SLC6A15: variants seen among roughly 807,000 people sequenced by gnomAD.
The protein encoded by SLC6A15 is sodium-dependent neutral amino acid transporter B(0)AT2.
Under a neutral mutation model 68.5 loss-of-function variants are expected in SLC6A15, and 33 were observed. The ratio of observed to expected loss-of-function variants is 0.48; its 90% confidence interval spans 0.37 to 0.64. The LOEUF is 0.64. SLC6A15 is among the 30% of genes least tolerant of loss of function. The pLI is 0.00. For synonymous variants in SLC6A15, 347 were observed against 301.0 expected, an observed-to-expected ratio of 1.15 and a Z score of -1.58; for missense variants, 747 against 874.3, an observed-to-expected ratio of 0.85 and a Z score of 1.84.
rs1218058629 is a variant in SLC6A15 at position 84,905,963 on chromosome 12, A to AT, written c.-189+6559dup. Among the ~76,000 whole-genome samples, 4 of 152,140 alleles carry AT rather than the reference A, an allele frequency of 2.6e-5. No homozygotes were observed. In the East Asian group the frequency reaches 7.7e-4, roughly 29 times the overall value. On this transcript the variant is annotated intron_variant, in intron 1 of 11. Coordinates refer to ENST00000266682, the MANE Select transcript of SLC6A15 (RefSeq NM_182767.6). ...AACCTCTAATCTGTTCTCCATACTT[A>AT]TTTTTTGGTCATTTCAAGAATGTTA...
At chr12:84,885,657 C>T in intron 3 of SLC6A15, 96 bp from the exon 4 acceptor site, 2 of 1,295,968 alleles carry the variant, frequency 1.5e-6, no homozygotes, top group Non-Finnish European at 2.1e-6. Context: ...ATTTTAAAAT[C>T]CTCTTCATTT....
intron 1 of SLC6A15, among the ~76,000 whole-genome samples, chr12:84,905,458 T>C (rs1464018654): frequency 6.6e-6 from 1 of 152,202 alleles, no homozygotes; most frequent in African/African-American, 2.4e-5. Flanking sequence ...TATTTACTGG[T>C]GAAAGACTAA....
chr12:84,894,034 A>G (rs1352071814), intron 1 of SLC6A15, among the ~76,000 whole-genome samples: 1 of 152,154 alleles, frequency 6.6e-6, no homozygotes, highest in Non-Finnish European at 1.5e-5. Context: ...GATCACAGTG[A>G]CTATTTCACA....
At position 84,863,442 on chromosome 12, in the gene SLC6A15, A is replaced by C. The variant is rs746213024; in HGVS notation, c.1815T>G (p.Asp605Glu). Residue 605 changes from aspartate (D) to glutamate (E), a missense_variant, in exon 11 of 12, where the codon GAT (aspartate) becomes GAG (glutamate). Transcript: ENST00000266682. ...AATTCCCTTATTTTGTATTTACCTT[A>C]TCTTCAATCCATGCGTTATAGCCAG... ...SPPGYNAWIEDKASEEFLSYP... is the reference protein window; with the variant it reads ...SPPGYNAWIEEKASEEFLSYP... 4 of 1,561,930 alleles carry C rather than the reference A, an allele frequency of 2.6e-6. No individual in the cohort carries two copies. The South Asian group carries it at 5.0e-5, about 19-fold the overall frequency.
intron 11 of SLC6A15, among the ~76,000 whole-genome samples, chr12:84,863,055 T>C (rs183956102): frequency 2.4e-4 from 37 of 152,250 alleles, no homozygotes; most frequent in African/African-American, 8.9e-4. Context: ...CCTCCAAAAG[T>C]GTTGGGATTA....
intron 1 of SLC6A15, among the ~76,000 whole-genome samples, chr12:84,901,214 C>T (rs1872863324): frequency 6.6e-6 from 1 of 151,342 alleles, no homozygotes; most frequent in African/African-American, 2.4e-5. Flanking sequence ...TGGCAGCACT[C>T]GCCAATAAAG....
At chr12:84,873,936 T>A (rs186168788) in intron 6 of SLC6A15, among the ~76,000 whole-genome samples, 2 of 152,220 alleles carry the variant, frequency 1.3e-5, no homozygotes, top group African/African-American at 2.4e-5. Flanking sequence ...GTTCTGACAT[T>A]GAACAGATAT....
intron 8 of SLC6A15, among the ~76,000 whole-genome samples, chr12:84,871,798 C>T (rs982499537): frequency 6.6e-6 from 1 of 151,976 alleles, no homozygotes; most frequent in Non-Finnish European, 1.5e-5. Context: ...CAGTGGCAGC[C>T]AATATAAGGA....
At position 84,860,245 on chromosome 12, in the gene SLC6A15, T is replaced by C. The variant is rs954061575; in HGVS notation, c.*1387A>G. The C allele has an allele frequency of 2.0e-5, 3 of 152,210 alleles. No homozygotes were observed. The highest frequency in any genetic ancestry group is 4.4e-5 in the Non-Finnish European group (3 of 67,960). 9.4% of individuals were successfully genotyped at this position (152,210 alleles called of 1,614,324 possible). On this transcript the variant is annotated 3_prime_UTR_variant, in exon 12 of 12. Transcript: ENST00000266682. ...GCTATATCCATCATTGTTTTAAAAATGTAACTGATCTGGTGGTAGGATAAA... is the reference window on the plus strand; with the variant it reads ...GCTATATCCATCATTGTTTTAAAAACGTAACTGATCTGGTGGTAGGATAAA...
intron 1 of SLC6A15, among the ~76,000 whole-genome samples, chr12:84,892,844 G>T (rs1463267): frequency 6.6e-6 from 1 of 152,052 alleles, no homozygotes; most frequent in Non-Finnish European, 1.5e-5. Flanking sequence ...ACCCAGGCTG[G>T]AGTGCTGTGG....
intron 5 of SLC6A15, among the ~76,000 whole-genome samples, chr12:84,880,177 C>T (rs967881628): frequency 5.3e-5 from 8 of 152,092 alleles, no homozygotes; most frequent in African/African-American, 1.9e-4. Flanking sequence ...GAAGGCAACA[C>T]ATCAATTTTA....
At chr12:84,873,431 CA>C in intron 6 of SLC6A15, 103 bp from the exon 7 acceptor site, 3 of 1,286,328 alleles carry the variant, frequency 2.3e-6, no homozygotes, top group Non-Finnish European at 3.2e-6. Context: ...GATATTTATG[CA>C]TCCAAAGTTT....
At chr12:84,893,015 G>A (rs929863998) in intron 1 of SLC6A15, among the ~76,000 whole-genome samples, 2 of 152,032 alleles carry the variant, frequency 1.3e-5, no homozygotes, top group African/African-American at 2.4e-5. Flanking sequence ...GGCAGATCTC[G>A]AACTTCTGGG....
At chr12:84,899,210 T>C (rs554270376) in intron 1 of SLC6A15, among the ~76,000 whole-genome samples, 4 of 152,298 alleles carry the variant, frequency 2.6e-5, no homozygotes, top group South Asian at 2.1e-4. Context: ...TAATGCCTCA[T>C]TGACCAAAGA....
Position 84,863,628 on chromosome 12 carries a change from T to C in SLC6A15, c.1656-27A>G, listed in dbSNP as rs781403756. On this transcript the variant is annotated intron_variant, in intron 10 of 11. Coordinates refer to ENST00000266682, the MANE Select transcript of SLC6A15 (RefSeq NM_182767.6). ...TGAATAAAAAGAAAGTATTTAATTATTCCTTAATTTAATATTGCTAAACCT... is the reference window on the plus strand; with the variant it reads ...TGAATAAAAAGAAAGTATTTAATTACTCCTTAATTTAATATTGCTAAACCT... 70 of 1,456,948 alleles carry C rather than the reference T, an allele frequency of 4.8e-5. 2 individuals carry two copies. In the South Asian group the frequency reaches 1.0e-3, roughly 22 times the overall value. 90.3% of individuals were successfully genotyped at this position (1,456,948 alleles called of 1,614,324 possible). A position where few individuals can be genotyped will look rare whatever the true frequency, so the allele number is the denominator to read the frequency against.
At chr12:84,911,504 G>A (rs1873460802) in intron 1 of SLC6A15, among the ~76,000 whole-genome samples, 1 of 152,224 alleles carries the variant, frequency 6.6e-6, no homozygotes. Context: ...GGGAAAGCGG[G>A]ACGCTGGAGA....
intron 1 of SLC6A15, among the ~76,000 whole-genome samples, chr12:84,896,986 T>A (rs1302128497): frequency 6.6e-6 from 1 of 151,654 alleles, no homozygotes; most frequent in African/African-American, 2.4e-5. Context: ...AGGCCAGGAG[T>A]TCGAGGCCAT....
intron 5 of SLC6A15, 139 bp from the exon 6 acceptor site, chr12:84,876,746 C>T: frequency 2.0e-6 from 1 of 494,578 alleles, no homozygotes; most frequent in Non-Finnish European, 3.6e-6. Context: ...CTTCTAAAGC[C>T]ATTTTTTAAG....
intron 3 of SLC6A15, 129 bp downstream of exon 3, chr12:84,885,782 A>G (rs1872071084): frequency 2.9e-6 from 3 of 1,037,436 alleles, no homozygotes; most frequent in Non-Finnish European, 4.2e-6. Context: ...TCCATATGCC[A>G]GTAACGTTTT....
Sources: gnomAD v4.1 joint callset for allele counts (sites outside exome capture counted in the v4.1 genomes callset) on GRCh38, gnomAD v4.1.1 for gene constraint, MANE v1.5 for transcripts, NCBI Gene and HGNC (gene_info 2026-07-23, HGNC 2026-07-21) for gene names.